Variants in RBM39 observed in about 807,000 individuals in gnomAD.
The protein encoded by RBM39 is RNA-binding protein 39.
A neutral mutation model predicts 79.6 loss-of-function variants in RBM39; 12 were observed. That is an observed-to-expected ratio of 0.15 (90% confidence interval 0.10 to 0.24). The LOEUF (loss-of-function observed/expected upper bound fraction) is 0.24, where lower values mean the gene tolerates loss of function less well. Ranked by LOEUF, RBM39 falls within the 10% of genes least tolerant of loss-of-function variation. The probability of loss-of-function intolerance (pLI) is 1.00; values close to 1 mark genes in which losing one functional copy is unlikely to be tolerated. For synonymous variants in RBM39, 185 were observed against 208.4 expected, an observed-to-expected ratio of 0.89 and a Z score of 0.97; for missense variants, 243 against 653.4, an observed-to-expected ratio of 0.37 and a Z score of 6.85.
intron 10 of RBM39, among the ~76,000 whole-genome samples, 190 bp downstream of exon 10, chr20:35,716,550 A>G (rs1046625722): frequency 2.0e-5 from 3 of 152,168 alleles, no homozygotes; most frequent in East Asian, 1.9e-4. Flanking sequence ...TTACAAGGGC[A>G]TATTACCCTT....
intron 12 of RBM39, 139 bp from the exon 13 acceptor site, chr20:35,709,413 T>G: frequency 1.5e-6 from 1 of 650,048 alleles, no homozygotes; most frequent in Non-Finnish European, 2.5e-6. Context: ...TCCTTCCCCA[T>G]TCCTCATTGA....
At chr20:35,734,457 A>G (rs867595389) in intron 3 of RBM39, 1 of 247,244 alleles carries the variant, frequency 4.0e-6, no homozygotes, top group Admixed American at 4.9e-5. Context: ...GAACTCTGAG[A>G]TTTCTAAAAC....
intron 13 of RBM39, 133 bp from the exon 14 acceptor site, chr20:35,707,334 T>A: frequency 2.1e-6 from 1 of 486,826 alleles, no homozygotes; most frequent in Non-Finnish European, 3.6e-6. Context: ...TTACCTTATT[T>A]AATATTGCTA....
chr20:35,709,190 G>T, intron 13 of RBM39, 34 bp downstream of exon 13: 2 of 1,550,220 alleles, frequency 1.3e-6, no homozygotes, highest in East Asian at 2.2e-5. Context: ...CTATTTCAAA[G>T]ACAAAAATAA....
intron 8 of RBM39, among the ~76,000 whole-genome samples, chr20:35,723,469 G>A (rs960710509): frequency 1.1e-4 from 17 of 152,068 alleles, no homozygotes; most frequent in Non-Finnish European, 2.4e-4. Context: ...CACAGTCTTG[G>A]TTCTTGTCGC....
chr20:35,707,974 A>G (rs2035951890), intron 13 of RBM39: 1 of 445,346 alleles, frequency 2.2e-6, no homozygotes, highest in Non-Finnish European at 4.6e-6. Flanking sequence ...TTCATTCCAA[A>G]ACATAATAAC....
intron 5 of RBM39, 41 bp from the exon 6 acceptor site, chr20:35,729,406 C>T (rs1290995754): frequency 6.2e-7 from 1 of 1,605,710 alleles, no homozygotes; most frequent in Non-Finnish European, 8.5e-7. Flanking sequence ...CAAACAAGTA[C>T]AGCATGTTAG....
chr20:35,714,171 C>G lies in RBM39; in HGVS notation c.1096+14G>C. ...ACCCACAGTAAATCATTCGTAATAG[C>G]AAGAAACACTTACCCTCTGCAAGTC... On this transcript the variant is annotated intron_variant, in intron 11 of 16. Transcript: ENST00000253363. The G allele has an allele frequency of 4.3e-6, 7 of 1,610,116 alleles. No individual in the cohort carries two copies. Among genetic ancestry groups the G allele is most frequent in the Non-Finnish European group, 5.9e-6 (7 of 1,177,762 alleles).
At position 35,703,085 on chromosome 20, in the gene RBM39, T is replaced by A. The variant is rs528305309; in HGVS notation, c.*1396A>T. 6.6e-6 allele frequency: 1 copy of A among 152,164 alleles called. No individual in the cohort carries two copies. Among genetic ancestry groups the A allele is most frequent in the African/African-American group, 2.4e-5 (1 of 41,438 alleles). The allele number at this position is 152,164 out of a possible 1,614,324, so 9.4% of individuals were successfully genotyped here. ...ACAAATGAGGTAAGGAACTCAGTAT[T>A]TGAAGATAAGCTAGGAGCAGCATTT... On this transcript the variant is annotated 3_prime_UTR_variant, in exon 17 of 17. Coordinates refer to ENST00000253363, the MANE Select transcript of RBM39 (RefSeq NM_184234.3).
Position 35,721,765 on chromosome 20 carries a change from C to T in RBM39, c.800G>A (p.Arg267His), listed in dbSNP as rs775410471. The change falls in exon 9 of 17, where the codon CGT (arginine) becomes CAT (histidine). Residue 267 changes from arginine to histidine, a missense_variant. By Grantham distance (29) the Arg-to-His change is conservative. Coordinates refer to ENST00000253363, the MANE Select transcript of RBM39 (RefSeq NM_184234.3). ...TCTTCCAAAAGGCTCAAAGATCCCACGAAGCATATCTTCAGTTATGTTGAA... is the reference window on the plus strand; with the variant it reads ...TCTTCCAAAAGGCTCAAAGATCCCATGAAGCATATCTTCAGTTATGTTGAA... The part of the protein sequence containing the change: ...LHFNITEDML[R>H]GIFEPFGRIE... The T allele has an allele frequency of 6.2e-7, 1 of 1,614,130 alleles. No homozygotes were observed. The highest frequency in any genetic ancestry group is 8.5e-7 in the Non-Finnish European group (1 of 1,180,002).
intron 9 of RBM39, among the ~76,000 whole-genome samples, chr20:35,720,450 C>T (rs949590069): frequency 6.6e-6 from 1 of 152,026 alleles, no homozygotes; most frequent in Admixed American, 6.6e-5. Context: ...GGCATGTCAA[C>T]CTCCACCTAA....
At chr20:35,730,184 T>C (rs1186589188) in intron 4 of RBM39, among the ~76,000 whole-genome samples, 1 of 152,226 alleles carries the variant, frequency 6.6e-6, no homozygotes. Flanking sequence ...ACCAATTCTC[T>C]AGAAAAATTT....
rs755339498 is a variant in RBM39 at position 35,729,501 on chromosome 20, A to G, written c.323T>C (p.Ile108Thr). ...PYSGPKFNSA[I>T]RGKIGLPHSI... ...ATGAGGCAACCCAATCTTTCCTCGG[A>G]TGGCACTGTTAAATTTTGGTCCGGA... Residue 108 changes from isoleucine (I) to threonine (T), a missense_variant, in exon 5 of 17, where the codon ATC (isoleucine) becomes ACC (threonine). Transcript: ENST00000253363. The G allele has an allele frequency of 1.2e-6, 2 of 1,614,096 alleles. No individual in the cohort carries two copies. Among genetic ancestry groups the G allele is most frequent in the Non-Finnish European group, 1.7e-6 (2 of 1,180,000 alleles).
chr20:35,738,869 G>A (rs557069923), intron 3 of RBM39, 99 bp downstream of exon 3: 5 of 1,053,972 alleles, frequency 4.7e-6, no homozygotes, highest in South Asian at 4.6e-5. Context: ...AAAAGCTTCA[G>A]AAGAGAATTT....
chr20:35,729,547 TTACAC>T lies in RBM39; in HGVS notation c.297-25_297-21del. 1 of 1,607,954 alleles carries T rather than the reference TTACAC, an allele frequency of 6.2e-7. No individual in the cohort carries two copies. The highest frequency in any genetic ancestry group is 1.1e-5 in the South Asian group (1 of 90,828). On this transcript the variant is annotated intron_variant, in intron 4 of 16. Transcript: ENST00000253363. ...CCGGAGCTAAAAAGGAAACACAAAA[TTACAC>T]TAGTTACAGGTTTAGGGTCTTGCTA...
chr20:35,707,497 C>A, intron 13 of RBM39: 1 of 218,892 alleles, frequency 4.6e-6, no homozygotes, highest in South Asian at 7.3e-5. Flanking sequence ...AATCTCAATA[C>A]ACATCAATCC....
At chr20:35,741,516 T>C (rs2040532161) in intron 1 of RBM39, 2 of 152,362 alleles carry the variant, frequency 1.3e-5, no homozygotes, top group South Asian at 4.1e-4. Context: ...AAGACTTCAA[T>C]ATCCAATATT....
At chr20:35,740,991 TAGGAA>T (rs892706508) in intron 1 of RBM39, 104 bp from the exon 2 acceptor site, 2 of 469,260 alleles carry the variant, frequency 4.3e-6, no homozygotes, top group African/African-American at 4.2e-5. Context: ...TCTAAACGCC[TAGGAA>T]AAGAACAAGA....
chr20:35,736,472 A>AT, intron 3 of RBM39: 1 of 408,282 alleles, frequency 2.4e-6, no homozygotes, highest in South Asian at 1.8e-5. Context: ...GAATAACATT[A>AT]TATATTTTCT....
Sources: allele counts gnomAD v4.1 joint callset (sites outside exome capture counted in the v4.1 genomes callset), GRCh38; gene constraint gnomAD v4.1.1; transcripts MANE v1.5; gene names NCBI Gene and HGNC (gene_info 2026-07-23, HGNC 2026-07-21).